FRMPD1: variants seen among roughly 807,000 people sequenced by gnomAD.
FRMPD1 encodes FERM and PDZ domain-containing protein 1.
In FRMPD1, 76 loss-of-function variants were observed where a neutral mutation model predicts 117.8. The observed-to-expected ratio is 0.65, with a 90% CI of 0.54 to 0.78. The LOEUF is 0.78. Among genes scored for constraint, FRMPD1 ranks in the 30% least tolerant of loss-of-function variants. The probability of loss-of-function intolerance (pLI) is 0.00; values close to 1 mark genes in which losing one functional copy is unlikely to be tolerated. For missense variants in FRMPD1, 1,786 were observed against 1,964.5 expected, an observed-to-expected ratio of 0.91 and a Z score of 1.72; for synonymous variants, 783 against 770.4, an observed-to-expected ratio of 1.02 and a Z score of -0.27.
At chr9:37,704,530 T>G (rs1210121126) in intron 2 of FRMPD1, among the ~76,000 whole-genome samples, 1 of 152,122 alleles carries the variant, frequency 6.6e-6, no homozygotes, top group East Asian at 1.9e-4. Flanking sequence ...AGCCCCAATT[T>G]GAAACCTGCT....
chr9:37,648,028 C>T (rs1007487747), upstream of FRMPD1, among the ~76,000 whole-genome samples: 4 of 152,132 alleles, frequency 2.6e-5, no homozygotes, highest in African/African-American at 7.2e-5. Flanking sequence ...TAGGGTAATC[C>T]TCACCGCATA....
In FRMPD1 at chr9:37,740,574, A is replaced by C; in HGVS notation, c.2046A>C (p.Thr682=). The C allele has an allele frequency of 6.2e-7, 1 of 1,614,196 alleles. No individual in the cohort carries two copies. Among genetic ancestry groups the C allele is most frequent in the Non-Finnish European group, 8.5e-7 (1 of 1,180,022 alleles). Residue 682 remains threonine (T), a synonymous_variant, in exon 15 of 16, where the codon ACA becomes ACC. Coordinates refer to ENST00000377765, the MANE Select transcript of FRMPD1 (RefSeq NM_014907.3). The surrounding 1 kb of genome is among the most constrained non-coding windows in gnomAD (Gnocchi z 4.2). ...TTTCCGAGAGTGCTGCTTTGGAGAC[A>C]TTTGGCTGGGCACCAGAACTGAGCA... ...TEFSESAALE[T]FGWAPELSTV... is the part of the protein sequence containing the mutation.
At chr9:37,648,397 G>C (rs981833728), upstream of FRMPD1, among the ~76,000 whole-genome samples, 2 of 152,156 alleles carry the variant, frequency 1.3e-5, no homozygotes, top group African/African-American at 2.4e-5. Context: ...GTGGATTCAC[G>C]TGATGCTAAG....
chr9:37,667,573 G>A (rs1211413913), intron 1 of FRMPD1, among the ~76,000 whole-genome samples: 1 of 151,556 alleles, frequency 6.6e-6, no homozygotes, highest in African/African-American at 2.4e-5. Context: ...AGCTGCTTGG[G>A]AGGCTGAGAC....
At chr9:37,732,495 C>G (rs1445605703) in intron 10 of FRMPD1, 55 bp downstream of exon 10, 23 of 1,526,538 alleles carry the variant, frequency 1.5e-5, no homozygotes, top group Non-Finnish European at 1.9e-5. Context: ...GGCCCCTGGC[C>G]AGGAGGGCCA....
the FRMPD1 span, among the ~76,000 whole-genome samples, chr9:37,621,100 T>G: frequency 6.6e-6 from 1 of 151,352 alleles, no homozygotes. Flanking sequence ...AGAGAAGGAG[T>G]GACTGACTGA....
chr9:37,636,106 C>G, the FRMPD1 span, among the ~76,000 whole-genome samples: 1 of 152,322 alleles, frequency 6.6e-6, no homozygotes, highest in East Asian at 1.9e-4. Flanking sequence ...TACTCAGACC[C>G]CACCGCAGCT....
chr9:37,709,159 G>A (rs1475029505), intron 4 of FRMPD1, among the ~76,000 whole-genome samples: 2 of 152,082 alleles, frequency 1.3e-5, no homozygotes, highest in Non-Finnish European at 2.9e-5. Context: ...AAGAGGACAA[G>A]CAGACATTTT....
chr9:37,608,902 A>G, the FRMPD1 span, among the ~76,000 whole-genome samples: 2 of 152,166 alleles, frequency 1.3e-5, no homozygotes, highest in East Asian at 1.9e-4. Flanking sequence ...ATATTATCCC[A>G]GTTTTACAGA....
chr9:37,692,796 G>A lies in FRMPD1; in HGVS notation c.101+54G>A, dbSNP rs890610359. On this transcript the variant is annotated intron_variant, in intron 2 of 15. Coordinates refer to ENST00000377765, the MANE Select transcript of FRMPD1 (RefSeq NM_014907.3). ...TCTATAAAGGTCTGGTGTCCCGGGG[G>A]AGGAGCTTGTGCTGGTCCTGGCCGC... 91 of 1,279,218 alleles carry A rather than the reference G, an allele frequency of 7.1e-5. 1 individual carries two copies. The Admixed American group carries it at 1.0e-3, about 14-fold the overall frequency. 79.2% of individuals were successfully genotyped at this position (1,279,218 alleles called of 1,614,324 possible). A position where few individuals can be genotyped will look rare whatever the true frequency, so the allele number is the denominator to read the frequency against.
the FRMPD1 span, among the ~76,000 whole-genome samples, chr9:37,626,010 T>A: frequency 1.2e-4 from 19 of 152,128 alleles, no homozygotes; most frequent in African/African-American, 4.6e-4. Flanking sequence ...CTGGCCAACA[T>A]GGTGAAACCC....
intron 1 of FRMPD1, among the ~76,000 whole-genome samples, chr9:37,680,982 G>T (rs1333546522): frequency 6.6e-6 from 1 of 152,156 alleles, no homozygotes; most frequent in Non-Finnish European, 1.5e-5. Context: ...AGCCAAGGCA[G>T]GTAGATCACT....
chr9:37,709,763 G>A (rs1392566891), intron 4 of FRMPD1, among the ~76,000 whole-genome samples: 2 of 152,172 alleles, frequency 1.3e-5, no homozygotes, highest in Non-Finnish European at 2.9e-5. Flanking sequence ...GAAGCAACTG[G>A]GTGGGAAGTA....
At chr9:37,685,931 G>A (rs1821925324) in intron 1 of FRMPD1, among the ~76,000 whole-genome samples, 2 of 152,222 alleles carry the variant, frequency 1.3e-5, no homozygotes, top group Middle Eastern at 6.8e-3. Flanking sequence ...ATCACCTTTT[G>A]TATCCCTTTT....
intron 2 of FRMPD1, among the ~76,000 whole-genome samples, chr9:37,695,931 C>T (rs1822303868): frequency 6.6e-6 from 1 of 152,082 alleles, no homozygotes; most frequent in South Asian, 2.1e-4. Flanking sequence ...CCAAACCATT[C>T]AGTGGCTCAC....
At chr9:37,636,722 G>C in the FRMPD1 span, 1 of 1,584,648 alleles carries the variant, frequency 6.3e-7, no homozygotes, top group East Asian at 2.2e-5. Context: ...CTTTACAGGG[G>C]TGCTGTCGAT....
At chr9:37,714,581 T>G (rs1397294160) in intron 5 of FRMPD1, among the ~76,000 whole-genome samples, 1 of 44,210 alleles carries the variant, frequency 2.3e-5, no homozygotes, top group Admixed American at 3.3e-4. Context: ...AAGAAGTTTA[T>G]TTTATTTTAT....
chr9:37,630,495 C>T, the FRMPD1 span, among the ~76,000 whole-genome samples: 1 of 152,158 alleles, frequency 6.6e-6, no homozygotes, highest in African/African-American at 2.4e-5. Flanking sequence ...ATTCTCCTGC[C>T]TCAGCCTCCA....
intron 1 of FRMPD1, among the ~76,000 whole-genome samples, chr9:37,683,468 T>C (rs13302352): frequency 0.35 from 52,671 of 152,120 alleles, 10,180 homozygotes; most frequent in Non-Finnish European, 0.44. Context: ...GAAAACAGAC[T>C]GTAGAGGGGA....
Sources: allele counts gnomAD v4.1 joint callset (sites outside exome capture counted in the v4.1 genomes callset), GRCh38; gene constraint gnomAD v4.1.1; non-coding constraint Gnocchi (gnomAD v3.1); transcripts MANE v1.5; gene names NCBI Gene and HGNC (gene_info 2026-07-23, HGNC 2026-07-21).